The following STXBP5L variants were observed in gnomAD, a reference collection of about 807,000 sequenced individuals.
STXBP5L encodes the protein syntaxin-binding protein 5-like.
Under a neutral mutation model 144.5 loss-of-function variants are expected in STXBP5L, and 65 were observed. That is an observed-to-expected ratio of 0.45 (90% CI 0.37 to 0.55). STXBP5L has a LOEUF of 0.55. Among genes scored for constraint, STXBP5L ranks in the 20% least tolerant of loss-of-function variants. The pLI is 0.00. For missense variants in STXBP5L, 1,298 were observed against 1,405.5 expected, an observed-to-expected ratio of 0.92 and a Z score of 1.22; for synonymous variants, 505 against 469.6, an observed-to-expected ratio of 1.08 and a Z score of -0.97.
intron 5 of STXBP5L, among the ~76,000 whole-genome samples, chr3:121,092,018 T>C (rs1032454930): frequency 5.3e-5 from 8 of 152,148 alleles, no homozygotes; most frequent in Non-Finnish European, 8.8e-5. Flanking sequence ...CCCAGCACCG[T>C]TTATTAAATA....
intron 7 of STXBP5L, among the ~76,000 whole-genome samples, chr3:121,122,044 A>C (rs1361352896): frequency 2.6e-5 from 4 of 151,044 alleles, no homozygotes; most frequent in Non-Finnish European, 5.9e-5. Flanking sequence ...CAGTTTGGTA[A>C]TGAAAAATGA....
intron 19 of STXBP5L, among the ~76,000 whole-genome samples, chr3:121,314,062 C>G (rs917749339): frequency 6.6e-6 from 1 of 151,062 alleles, no homozygotes; most frequent in Non-Finnish European, 1.5e-5. Flanking sequence ...AGGCGCTCCT[C>G]GCTTCCTAGA....
chr3:121,177,588 T>TC (rs2046985165), intron 9 of STXBP5L, among the ~76,000 whole-genome samples: 1 of 152,140 alleles, frequency 6.6e-6, no homozygotes, highest in Non-Finnish European at 1.5e-5. Context: ...ATTAGGATGA[T>TC]TACTGTCAAA....
chr3:121,339,762 A>G (rs547650252), intron 20 of STXBP5L, among the ~76,000 whole-genome samples: 1 of 152,190 alleles, frequency 6.6e-6, no homozygotes, highest in Admixed American at 6.6e-5. Context: ...CTGCATGCCA[A>G]CAACGACCAA....
At chr3:121,086,511 A>C (rs573728410) in intron 5 of STXBP5L, among the ~76,000 whole-genome samples, 199 of 152,228 alleles carry the variant, frequency 1.3e-3, no homozygotes, top group Non-Finnish European at 2.4e-3. Flanking sequence ...ACAATTGCCT[A>C]CAGTATTCAC....
chr3:121,038,688 T>C (rs1946931329), intron 3 of STXBP5L, among the ~76,000 whole-genome samples: 1 of 151,936 alleles, frequency 6.6e-6, no homozygotes, highest in East Asian at 1.9e-4. Context: ...GAGAAAGGGG[T>C]GCTAAAAACT....
chr3:121,316,638 G>A (rs2043798668), intron 19 of STXBP5L, among the ~76,000 whole-genome samples: 1 of 152,096 alleles, frequency 6.6e-6, no homozygotes, highest in Admixed American at 6.6e-5. Flanking sequence ...TTTAGCGGAG[G>A]ATTAGGTACA....
At chr3:120,980,953 A>T (rs936280091) in intron 3 of STXBP5L, among the ~76,000 whole-genome samples, 1 of 152,086 alleles carries the variant, frequency 6.6e-6, no homozygotes, top group African/African-American at 2.4e-5. Flanking sequence ...TTTTATTTTC[A>T]TTAATGAAGC....
At chr3:121,379,010 C>G (rs769860114) in intron 21 of STXBP5L, 124 bp downstream of exon 21, 66 of 996,420 alleles carry the variant, frequency 6.6e-5, no homozygotes, top group Non-Finnish European at 9.2e-5. Context: ...TCAGTGAATA[C>G]CTGAGAGCCT....
chr3:120,928,650 G>A (rs1388539708), intron 2 of STXBP5L, among the ~76,000 whole-genome samples: 1 of 123,246 alleles, frequency 8.1e-6, no homozygotes, highest in African/African-American at 3.6e-5. Context: ...GTGTGTGTGT[G>A]TGTGTGTGTG....
intron 9 of STXBP5L, among the ~76,000 whole-genome samples, chr3:121,201,534 G>A (rs986438643): frequency 2.6e-5 from 4 of 152,070 alleles, no homozygotes; most frequent in Non-Finnish European, 4.4e-5. Context: ...ATTGTTATGT[G>A]TGAATTTGAT....
intron 5 of STXBP5L, among the ~76,000 whole-genome samples, chr3:121,098,539 A>G (rs552144941): frequency 6.6e-6 from 1 of 152,358 alleles, no homozygotes; most frequent in South Asian, 2.1e-4. Context: ...TCCATGACCC[A>G]AACACTATAC....
chr3:121,165,112 A>G (rs1047780380), intron 9 of STXBP5L, among the ~76,000 whole-genome samples: 2 of 152,222 alleles, frequency 1.3e-5, no homozygotes, highest in African/African-American at 2.4e-5. Context: ...CCATCTATGT[A>G]CATTCCATAA....
intron 5 of STXBP5L, among the ~76,000 whole-genome samples, chr3:121,065,980 C>A (rs762481385): frequency 6.6e-6 from 1 of 152,164 alleles, no homozygotes; most frequent in Non-Finnish European, 1.5e-5. Flanking sequence ...CACAACAGAG[C>A]AGCTTGCTGC....
rs1201970758 is a variant in STXBP5L at position 121,122,569 on chromosome 3, A to G, written c.669+865A>G. ...AAATAGATAAATCCCCAAATAGTTC[A>G]GGTATTTGGGAAAATGTTATATATT... is the stretch of plus-strand genomic sequence containing the variant. On this transcript the variant is annotated intron_variant, in intron 7 of 26. Transcript: ENST00000471454. Among the ~76,000 whole-genome samples the G allele has an allele frequency of 7.9e-5, 12 of 151,498 alleles. 1 individual carries two copies. The highest frequency in any genetic ancestry group is 7.9e-4 in the Admixed American group (12 of 15,186).
At chr3:121,117,538 T>A (rs1430429549) in intron 6 of STXBP5L, among the ~76,000 whole-genome samples, 3 of 151,796 alleles carry the variant, frequency 2.0e-5, no homozygotes, top group Non-Finnish European at 4.4e-5. Flanking sequence ...TGTTAATATG[T>A]GTCAAGTGTA....
intron 3 of STXBP5L, among the ~76,000 whole-genome samples, chr3:120,990,916 A>G (rs1942789212): frequency 6.6e-6 from 1 of 152,232 alleles, no homozygotes; most frequent in Non-Finnish European, 1.5e-5. Flanking sequence ...GGTCATAGGC[A>G]TGGGCAAGGA....
At position 121,344,916 on chromosome 3, in the gene STXBP5L, G is replaced by C. The variant is rs535447464; in HGVS notation, c.2176+26376G>C. On this transcript the variant is annotated intron_variant, in intron 20 of 26. Transcript: ENST00000471454. The stretch of plus-strand genomic sequence containing the variant: ...CCCAAAACTTTAAAATTACAAAGAA[G>C]AGTATGTATATAAGATTATAAGATC... 2.8e-4 allele frequency among the ~76,000 whole-genome samples: 42 copies of C among 150,182 alleles called. 2 individuals are homozygous for C. The South Asian group carries it at 7.7e-3, about 28-fold the overall frequency.
chr3:121,379,024 G>A, intron 21 of STXBP5L, 138 bp downstream of exon 21: 2 of 918,946 alleles, frequency 2.2e-6, no homozygotes, highest in Non-Finnish European at 3.2e-6. Flanking sequence ...AGAGCCTGAT[G>A]GGGCTGTGGC....
Sources: allele counts gnomAD v4.1 joint callset (sites outside exome capture counted in the v4.1 genomes callset), GRCh38; gene constraint gnomAD v4.1.1; transcripts MANE v1.5; gene names NCBI Gene and HGNC (gene_info 2026-07-23, HGNC 2026-07-21).